Variants in WDR64 observed in about 807,000 individuals in gnomAD.
The protein encoded by WDR64 is WD repeat-containing protein 64.
WDR64 carries 112 observed loss-of-function variants against 139.3 expected under a neutral mutation model. The observed-to-expected ratio is 0.80, with a 90% CI of 0.69 to 0.94. The LOEUF is 0.94. Ranked by LOEUF, WDR64 falls within the 40% of genes least tolerant of loss-of-function variation. WDR64 has a pLI of 0.00. For synonymous variants in WDR64, 444 were observed against 437.7 expected, an observed-to-expected ratio of 1.01 and a Z score of -0.18; for missense variants, 1,206 against 1,293.1, an observed-to-expected ratio of 0.93 and a Z score of 1.03.
Position 241,771,656 on chromosome 1 carries a change from T to C in WDR64, c.2254-5T>C. 6.7e-7 allele frequency: 1 copy of C among 1,499,918 alleles called. No individual in the cohort carries two copies. Among genetic ancestry groups the C allele is most frequent in the Non-Finnish European group, 8.9e-7 (1 of 1,121,444 alleles). The allele number at this position is 1,499,918 out of a possible 1,614,324, so 92.9% of individuals were successfully genotyped here. On this transcript the variant is annotated splice_polypyrimidine_tract_variant and splice_region_variant and intron_variant, in intron 18 of 27. Transcript: ENST00000437684. ...AGTCTTTTCTCTTTTCCTCCCATAA[T>C]TCAGGGAAGCAAGCAAAGCATACAT... is the stretch of plus-strand genomic sequence containing the variant.
chr1:241,683,342 C>CA (rs1277273888), intron 6 of WDR64, 145 bp from the exon 7 acceptor site: 4 of 739,546 alleles, frequency 5.4e-6, no homozygotes. Flanking sequence ...ATTTGGTTAA[C>CA]TGGTTTTTTT....
chr1:241,801,305 C>A lies in WDR64; in HGVS notation c.*90C>A. 2.6e-6 allele frequency: 3 copies of A among 1,135,684 alleles called. No homozygotes were observed. The highest frequency in any genetic ancestry group is 1.5e-5 in the African/African-American group (1 of 65,124). The allele number at this position is 1,135,684 out of a possible 1,614,324, so 70.4% of individuals were successfully genotyped here. On this transcript the variant is annotated 3_prime_UTR_variant, in exon 28 of 28. Coordinates refer to ENST00000437684, the MANE Select transcript of WDR64 (RefSeq NM_001367482.1). ...ATTTCAGGATGAGAGGGAGAAACCA[C>A]CAGACACTATCAGTCATCTCTGGTG... is the stretch of plus-strand genomic sequence containing the variant.
chr1:241,771,933 CATACATACATACATATATATATATAT>C (rs1658453551), intron 19 of WDR64, among the ~76,000 whole-genome samples: 1 of 73,490 alleles, frequency 1.4e-5, no homozygotes, highest in African/African-American at 4.3e-5. Context: ...CATACATATA[CATACATACATACATATATATATATAT>C]ATATATATAT....
At chr1:241,740,081 T>C (rs1021042349) in intron 11 of WDR64, among the ~76,000 whole-genome samples, 5 of 152,198 alleles carry the variant, frequency 3.3e-5, no homozygotes, top group Admixed American at 2.0e-4. Context: ...TTCTATTTTA[T>C]AAATGGAGAA....
chr1:241,673,824 CT>C (rs544078871), intron 3 of WDR64, among the ~76,000 whole-genome samples: 4 of 150,908 alleles, frequency 2.7e-5, no homozygotes, highest in South Asian at 4.2e-4. Context: ...TCTAGCTAGT[CT>C]TTTTTTTTCA....
intron 3 of WDR64, among the ~76,000 whole-genome samples, chr1:241,674,147 G>A (rs911294213): frequency 2.0e-5 from 3 of 151,904 alleles, no homozygotes; most frequent in Non-Finnish European, 4.4e-5. Context: ...TAGTATCTCT[G>A]AGGATCATTA....
At chr1:241,748,545 C>G (rs533901434) in intron 13 of WDR64, among the ~76,000 whole-genome samples, 34 of 152,244 alleles carry the variant, frequency 2.2e-4, no homozygotes, top group Non-Finnish European at 4.3e-4. Context: ...TATAAAGGCA[C>G]TAATCCCATT....
In WDR64 at chr1:241,691,132, C is replaced by T. The variant is rs138732104; in HGVS notation, c.974+3537C>T. Reference sequence around the variant, plus strand: ...TATATTGCAAATGATAGGTCAACCACGAAAAATTGTTTTTTAAAAAATGTG... The same window carrying T: ...TATATTGCAAATGATAGGTCAACCATGAAAAATTGTTTTTTAAAAAATGTG... On this transcript the variant is annotated intron_variant, in intron 8 of 27. Coordinates refer to ENST00000437684, the MANE Select transcript of WDR64 (RefSeq NM_001367482.1). 6.4e-3 allele frequency among the ~76,000 whole-genome samples: 969 copies of T among 150,814 alleles called. 6 individuals carry two copies. The highest frequency in any genetic ancestry group is 0.023 in the African/African-American group (938 of 41,144).
intron 7 of WDR64, among the ~76,000 whole-genome samples, chr1:241,684,494 A>G (rs530031304): frequency 4.6e-5 from 7 of 152,252 alleles, no homozygotes; most frequent in Non-Finnish European, 1.0e-4. Context: ...TTTTATATTA[A>G]ATGGTCTTCC....
chr1:241,770,948 CAAAT>C (rs1284764162), intron 18 of WDR64, among the ~76,000 whole-genome samples: 1 of 151,954 alleles, frequency 6.6e-6, no homozygotes, highest in East Asian at 1.9e-4. Context: ...TATACAATCA[CAAAT>C]AAAATAAATT....
intron 6 of WDR64, among the ~76,000 whole-genome samples, chr1:241,682,427 G>A (rs1163330318): frequency 2.0e-5 from 3 of 152,178 alleles, no homozygotes; most frequent in African/African-American, 7.2e-5. Context: ...TTGAAGATAA[G>A]TTGGCTGTTA....
Position 241,769,449 on chromosome 1 carries a change from C to T in WDR64, c.2127C>T (p.Pro709=), listed in dbSNP as rs891275295. Residue 709 remains proline (P), a synonymous_variant, in exon 17 of 28, where the codon CCC becomes CCT. Coordinates refer to ENST00000437684, the MANE Select transcript of WDR64 (RefSeq NM_001367482.1). ...DCFTVNPDLH[P]KHFKINDILF... ...TCACTGTAAACCCTGACTTGCATCC[C>T]AAGCACTTTAAAATTAATGACATAC... 3 of 1,551,472 alleles carry T rather than the reference C, an allele frequency of 1.9e-6. No individual in the cohort carries two copies. In the South Asian group the frequency reaches 3.6e-5, roughly 18 times the overall value.
chr1:241,681,192 G>A (rs924819852), intron 6 of WDR64, among the ~76,000 whole-genome samples: 2 of 151,994 alleles, frequency 1.3e-5, no homozygotes, highest in African/African-American at 2.4e-5. Context: ...CTTTAGTGGC[G>A]ATTTGTGAGA....
intron 15 of WDR64, among the ~76,000 whole-genome samples, chr1:241,764,952 G>T (rs1032085671): frequency 6.6e-6 from 1 of 152,132 alleles, no homozygotes; most frequent in Admixed American, 6.6e-5. Context: ...TTGGGAGGCT[G>T]AAGTAGGTGG....
chr1:241,681,840 A>G (rs186550460), intron 6 of WDR64, among the ~76,000 whole-genome samples: 8 of 152,198 alleles, frequency 5.3e-5, no homozygotes, highest in Admixed American at 5.2e-4. Flanking sequence ...ATGGTATCAT[A>G]TTGTGGTTTT....
At chr1:241,780,144 A>G in intron 22 of WDR64, 82 bp downstream of exon 22, 1 of 1,165,286 alleles carries the variant, frequency 8.6e-7, no homozygotes, top group Non-Finnish European at 1.2e-6. Context: ...ACCATAAAGG[A>G]TAGAAATACA....
chr1:241,685,325 G>T (rs1325534873), intron 7 of WDR64, among the ~76,000 whole-genome samples: 1 of 151,594 alleles, frequency 6.6e-6, no homozygotes, highest in South Asian at 2.1e-4. Flanking sequence ...AAGTGTTTAT[G>T]ACATAATGTC....
At chr1:241,732,442 G>A (rs1347992718) in intron 10 of WDR64, among the ~76,000 whole-genome samples, 2 of 152,140 alleles carry the variant, frequency 1.3e-5, no homozygotes, top group African/African-American at 4.8e-5. Flanking sequence ...GATGTATAAT[G>A]AATTTTGTAT....
chr1:241,669,486 G>T (rs1195984710), intron 2 of WDR64, among the ~76,000 whole-genome samples: 2 of 152,128 alleles, frequency 1.3e-5, no homozygotes, highest in African/African-American at 2.4e-5. Context: ...AACCTAGAGG[G>T]TTTTGTACCC....
Sources: allele counts gnomAD v4.1 joint callset (sites outside exome capture counted in the v4.1 genomes callset), GRCh38; gene constraint gnomAD v4.1.1; transcripts MANE v1.5; gene names NCBI Gene and HGNC (gene_info 2026-07-23, HGNC 2026-07-21).